PUS7: variants seen among roughly 807,000 people sequenced by gnomAD.
The protein encoded by PUS7 is pseudouridylate synthase 7 homolog.
A neutral mutation model predicts 79.8 loss-of-function variants in PUS7; 48 were observed. The observed-to-expected ratio is 0.60, with a 90% CI of 0.48 to 0.76. PUS7 has a LOEUF of 0.76. Ranked by LOEUF, PUS7 falls within the 30% of genes least tolerant of loss-of-function variation. The pLI, the probability that PUS7 is intolerant of heterozygous loss-of-function variation, is 0.00. For synonymous variants in PUS7, 286 were observed against 272.2 expected (o/e 1.05, Z -0.50); for missense variants, 729 against 797.6 (o/e 0.91, Z 1.04).
intron 7 of PUS7, among the ~76,000 whole-genome samples, chr7:105,488,732 T>C (rs978414938): frequency 3.9e-5 from 6 of 152,162 alleles, no homozygotes; most frequent in African/African-American, 9.7e-5. Flanking sequence ...AATACATAAG[T>C]ATTGCTGTTT....
intron 5 of PUS7, among the ~76,000 whole-genome samples, chr7:105,496,194 CACATATAT>C (rs1170958618): frequency 0.012 from 1,108 of 91,532 alleles, 13 homozygotes; most frequent in African/African-American, 0.037. Flanking sequence ...TACACACACA[CACATATAT>C]ATATATATAT....
chr7:105,520,108 G>A (rs1018559732), intron 1 of PUS7, among the ~76,000 whole-genome samples: 1 of 152,188 alleles, frequency 6.6e-6, no homozygotes, highest in African/African-American at 2.4e-5. Context: ...TGGATCACCT[G>A]AAGTCTGAAG....
chr7:105,463,735 CTAATA>C (rs1823528782), intron 13 of PUS7, among the ~76,000 whole-genome samples: 1 of 151,368 alleles, frequency 6.6e-6, no homozygotes, highest in African/African-American at 2.4e-5. Flanking sequence ...CATTCAGTAA[CTAATA>C]TAAGACATTG....
intron 12 of PUS7, among the ~76,000 whole-genome samples, chr7:105,467,372 C>T (rs1209475279): frequency 6.7e-6 from 1 of 150,224 alleles, no homozygotes; most frequent in Non-Finnish European, 1.5e-5. Flanking sequence ...TCACTGCAAG[C>T]TCCGCCTCCC....
chr7:105,505,389 C>A (rs972680503), intron 4 of PUS7, among the ~76,000 whole-genome samples: 2 of 152,146 alleles, frequency 1.3e-5, no homozygotes, highest in African/African-American at 4.8e-5. Context: ...CCACGATGAG[C>A]AAATAAATGC....
At chr7:105,520,652 G>C (rs1480525795) in intron 1 of PUS7, among the ~76,000 whole-genome samples, 2 of 152,188 alleles carry the variant, frequency 1.3e-5, no homozygotes, top group African/African-American at 4.8e-5. Flanking sequence ...AACCCAGGAG[G>C]CTGAGGTTGC....
chr7:105,470,702 A>C lies in PUS7; in HGVS notation c.1384T>G (p.Ser462Ala). ...ATTGCACTCACTATGCCAAATGCAGAGACTATATTCTTCATTCCATATTTT... is the reference window on the plus strand; with the variant it reads ...ATTGCACTCACTATGCCAAATGCAGCGACTATATTCTTCATTCCATATTTT... ...LSKYGMKNIVSAFGIIPRNNR... is the reference protein window; with the variant it reads ...LSKYGMKNIVAAFGIIPRNNR... The change falls in exon 11 of 16, where the codon TCT (serine) becomes GCT (alanine). Residue 462 changes from serine (S) to alanine (A), a missense_variant. Physicochemically the swap from Ser to Ala is moderately conservative, Grantham distance 99 (BLOSUM62 1). Transcript: ENST00000469408. The C allele has an allele frequency of 6.3e-7, 1 of 1,595,586 alleles. No individual in the cohort carries two copies. The highest frequency in any genetic ancestry group is 1.1e-5 in the South Asian group (1 of 89,690).
chr7:105,521,644 G>C (rs1444279875), intron 1 of PUS7, among the ~76,000 whole-genome samples: 1 of 152,244 alleles, frequency 6.6e-6, no homozygotes, highest in Admixed American at 6.5e-5. Flanking sequence ...GCACCGTGAA[G>C]GGCTTCAGGG....
At chr7:105,498,793 T>C (rs1040818982) in intron 5 of PUS7, among the ~76,000 whole-genome samples, 3 of 152,280 alleles carry the variant, frequency 2.0e-5, no homozygotes, top group South Asian at 2.1e-4. Flanking sequence ...TTTGAAAATA[T>C]ATATTTTTCT....
intron 12 of PUS7, among the ~76,000 whole-genome samples, chr7:105,467,069 C>A (rs2133060606): frequency 9.4e-6 from 1 of 106,296 alleles, no homozygotes; most frequent in African/African-American, 3.6e-5. Flanking sequence ...TTTTAACTAG[C>A]TGTGGAACTT....
chr7:105,475,638 TCTTA>T (rs1395519552), intron 9 of PUS7, among the ~76,000 whole-genome samples: 1 of 152,166 alleles, frequency 6.6e-6, no homozygotes, highest in African/African-American at 2.4e-5. Context: ...TTTGTACTTT[TCTTA>T]CTTTATCTTT....
At chr7:105,518,696 C>T (rs1825990007) in intron 1 of PUS7, among the ~76,000 whole-genome samples, 1 of 152,068 alleles carries the variant, frequency 6.6e-6, no homozygotes, top group Non-Finnish European at 1.5e-5. Flanking sequence ...CCAAACAGTC[C>T]CTTATTAATT....
chr7:105,461,214 C>A (rs925200203), intron 14 of PUS7, among the ~76,000 whole-genome samples: 2 of 152,164 alleles, frequency 1.3e-5, no homozygotes, highest in Non-Finnish European at 2.9e-5. Context: ...GTTTGGAACT[C>A]ACAGCTAATT....
intron 11 of PUS7, 162 bp downstream of exon 11, chr7:105,470,526 C>T (rs1823829654): frequency 1.4e-6 from 1 of 700,882 alleles, no homozygotes; most frequent in Non-Finnish European, 2.1e-6. Context: ...CATCACCACT[C>T]AGGGTCTGAA....
chr7:105,494,552 G>A (rs948197853), intron 6 of PUS7, among the ~76,000 whole-genome samples: 2 of 151,922 alleles, frequency 1.3e-5, no homozygotes, highest in Admixed American at 1.3e-4. Flanking sequence ...TAACACTACA[G>A]GCACATGCCA....
intron 7 of PUS7, among the ~76,000 whole-genome samples, chr7:105,482,889 T>C (rs1217639181): frequency 6.6e-6 from 1 of 152,018 alleles, no homozygotes; most frequent in East Asian, 1.9e-4. Flanking sequence ...TTGGAAAATA[T>C]AAAAAAGAGA....
At chr7:105,464,219 A>G (rs758055621) in intron 13 of PUS7, among the ~76,000 whole-genome samples, 15 of 141,142 alleles carry the variant, frequency 1.1e-4, no homozygotes, top group Non-Finnish European at 2.0e-4. Context: ...CTTTCTTATG[A>G]TAGTTGATTT....
At chr7:105,457,951 C>A (rs1377354606) in intron 15 of PUS7, 25 bp from the exon 16 acceptor site, 1 of 1,609,910 alleles carries the variant, frequency 6.2e-7, no homozygotes, top group Non-Finnish European at 8.5e-7. Context: ...AGAAAACAGT[C>A]AGAAAATGAA....
intron 1 of PUS7, among the ~76,000 whole-genome samples, chr7:105,515,735 C>CT (rs1825865580): frequency 1.3e-5 from 2 of 151,948 alleles, no homozygotes; most frequent in South Asian, 4.1e-4. Context: ...TCAAGCAATT[C>CT]TCACGCCTCA....
Sources: gnomAD v4.1 joint callset for allele counts (sites outside exome capture counted in the v4.1 genomes callset) on GRCh38, gnomAD v4.1.1 for gene constraint, MANE v1.5 for transcripts, NCBI Gene and HGNC (gene_info 2026-07-23, HGNC 2026-07-21) for gene names.